SHOC1: variants seen among roughly 807,000 people sequenced by gnomAD.
SHOC1 encodes shortage in chiasmata 1, also known as protein shortage in chiasmata 1 ortholog.
A neutral mutation model predicts 179.2 loss-of-function variants in SHOC1; 136 were observed. The observed-to-expected ratio is 0.76, with a 90% confidence interval of 0.66 to 0.87. SHOC1 has a LOEUF of 0.87. SHOC1 is among the 40% of genes least tolerant of loss of function. The pLI is 0.00. For synonymous variants in SHOC1, 489 were observed against 586.6 expected (o/e 0.83, Z 2.41); for missense variants, 1,538 against 1,700.8 (o/e 0.90, Z 1.68).
intron 12 of SHOC1, among the ~76,000 whole-genome samples, chr9:111,732,333 C>T (rs1386508892): frequency 6.6e-6 from 1 of 152,100 alleles, no homozygotes; most frequent in Non-Finnish European, 1.5e-5. Flanking sequence ...CCTGTAATCC[C>T]AGTACTTTGG....
intron 4 of SHOC1, among the ~76,000 whole-genome samples, chr9:111,779,999 G>A (rs1835976731): frequency 6.6e-6 from 1 of 152,218 alleles, no homozygotes; most frequent in Non-Finnish European, 1.5e-5. Context: ...GCTGCTAGGA[G>A]TTTACTCATA....
intron 12 of SHOC1, among the ~76,000 whole-genome samples, chr9:111,731,773 T>C (rs1833579986): frequency 6.6e-6 from 1 of 152,094 alleles, no homozygotes; most frequent in Non-Finnish European, 1.5e-5. Flanking sequence ...AAAGTCTTTA[T>C]TGTGATATAT....
chr9:111,766,393 C>A (rs1283812042), intron 5 of SHOC1, among the ~76,000 whole-genome samples: 2 of 152,254 alleles, frequency 1.3e-5, no homozygotes, highest in East Asian at 3.9e-4. Context: ...AATTTCCTTT[C>A]TTTTCCAGAA....
intron 13 of SHOC1, among the ~76,000 whole-genome samples, chr9:111,726,077 A>G (rs1833281559): frequency 6.6e-6 from 1 of 152,170 alleles, no homozygotes; most frequent in African/African-American, 2.4e-5. Context: ...TCACATTTAT[A>G]AAATAATTAT....
intron 5 of SHOC1, among the ~76,000 whole-genome samples, chr9:111,768,862 A>AT (rs1193246772): frequency 7.5e-6 from 1 of 133,052 alleles, no homozygotes; most frequent in Non-Finnish European, 1.7e-5. Flanking sequence ...AAGACCTTCA[A>AT]TTTTTTCCCA....
At chr9:111,699,911 T>C (rs1239529463) in intron 24 of SHOC1, 43 bp downstream of exon 24, 1 of 1,365,910 alleles carries the variant, frequency 7.3e-7, no homozygotes, top group South Asian at 1.3e-5. Context: ...ATAATTTTGG[T>C]TTATAAAAAA....
In SHOC1 at chr9:111,706,697, G is replaced by A; in HGVS notation, c.2608C>T (p.Pro870Ser). The A allele has an allele frequency of 6.2e-7, 1 of 1,608,362 alleles. No individual in the cohort carries two copies. The highest frequency in any genetic ancestry group is 1.7e-4 in the Middle Eastern group (1 of 6,042). ...VHNQYIGADF[P>S]WSNFSFVVEY... is the part of the protein sequence containing the mutation. ...ACCACAAATGAGAAATTACTCCAGG[G>A]GAAATCTGCTCCAATATATTGATTA... Residue 870 changes from proline (P) to serine (S), a missense_variant, in exon 20 of 28, where the codon CCC becomes TCC. Transcript: ENST00000682961.
intron 5 of SHOC1, among the ~76,000 whole-genome samples, chr9:111,770,337 C>T (rs1345244290): frequency 6.6e-6 from 1 of 151,970 alleles, no homozygotes; most frequent in Non-Finnish European, 1.5e-5. Flanking sequence ...TCCAAAGTTC[C>T]TCTTGTTACT....
chr9:111,785,439 G>C (rs2131642931), intron 3 of SHOC1, among the ~76,000 whole-genome samples: 1 of 152,152 alleles, frequency 6.6e-6, no homozygotes, highest in South Asian at 2.1e-4. Flanking sequence ...ACTTATAACA[G>C]TGCTTGGTAC....
At chr9:111,791,486 G>A in intron 1 of SHOC1, 32 bp from the exon 2 acceptor site, 2 of 1,041,748 alleles carry the variant, frequency 1.9e-6, no homozygotes, top group Admixed American at 6.7e-5. Flanking sequence ...TTAAACACTG[G>A]TAAAATAGCA....
chr9:111,763,630 A>C (rs1835231861), intron 5 of SHOC1, among the ~76,000 whole-genome samples: 1 of 152,168 alleles, frequency 6.6e-6, no homozygotes, highest in Non-Finnish European at 1.5e-5. Context: ...AAAAAAATTT[A>C]CTACCTACAT....
intron 8 of SHOC1, among the ~76,000 whole-genome samples, chr9:111,754,069 T>A (rs536477205): frequency 1.3e-5 from 2 of 152,252 alleles, no homozygotes; most frequent in South Asian, 4.1e-4. Flanking sequence ...AAAGTAACTA[T>A]GAGATGATGA....
intron 18 of SHOC1, among the ~76,000 whole-genome samples, chr9:111,711,489 T>A (rs1280326683): frequency 1.3e-5 from 2 of 152,186 alleles, no homozygotes; most frequent in East Asian, 3.8e-4. Flanking sequence ...GGAACCCCTC[T>A]CGCTTTGCTG....
intron 22 of SHOC1, among the ~76,000 whole-genome samples, chr9:111,703,137 G>C (rs532806018): frequency 6.6e-6 from 1 of 152,098 alleles, no homozygotes; most frequent in Non-Finnish European, 1.5e-5. Context: ...ACAAACAGTT[G>C]TGCCAAACAG....
intron 3 of SHOC1, among the ~76,000 whole-genome samples, chr9:111,781,917 C>T (rs1836076495): frequency 6.6e-6 from 1 of 151,978 alleles, no homozygotes; most frequent in East Asian, 1.9e-4. Context: ...AACATCTAAG[C>T]CTGTGCCTCA....
At chr9:111,688,301 G>A (rs1347046106) in intron 27 of SHOC1, among the ~76,000 whole-genome samples, 1 of 152,004 alleles carries the variant, frequency 6.6e-6, no homozygotes, top group East Asian at 1.9e-4. Flanking sequence ...TAGCTGCCAG[G>A]AAGCTTTCCC....
chr9:111,711,658 G>C (rs571330586), intron 18 of SHOC1, among the ~76,000 whole-genome samples: 1 of 152,240 alleles, frequency 6.6e-6, no homozygotes, highest in East Asian at 1.9e-4. Flanking sequence ...AAATTAGAAG[G>C]CACAATTCCC....
At chr9:111,741,406 C>T (rs1320348460) in intron 11 of SHOC1, 70 bp downstream of exon 11, 12 of 843,458 alleles carry the variant, frequency 1.4e-5, no homozygotes, top group Non-Finnish European at 2.3e-5. Flanking sequence ...AAAGGATATC[C>T]CACATTTCTA....
At chr9:111,719,319 G>GA (rs1312851151) in intron 15 of SHOC1, among the ~76,000 whole-genome samples, 1 of 152,152 alleles carries the variant, frequency 6.6e-6, no homozygotes, top group African/African-American at 2.4e-5. Flanking sequence ...GCCAATGAAA[G>GA]AATATTAAGT....
Sources: allele counts gnomAD v4.1 joint callset (sites outside exome capture counted in the v4.1 genomes callset), GRCh38; gene constraint gnomAD v4.1.1; transcripts MANE v1.5; gene names NCBI Gene and HGNC (gene_info 2026-07-23, HGNC 2026-07-21).